Variants in ZDHHC14 observed in about 807,000 individuals in gnomAD.
ZDHHC14 encodes palmitoyltransferase ZDHHC14.
In ZDHHC14, 16 loss-of-function variants were observed where a neutral mutation model predicts 47.7. That is an observed-to-expected ratio of 0.34 (90% confidence interval 0.23 to 0.51). ZDHHC14 has a LOEUF of 0.51. ZDHHC14 is among the 20% of genes least tolerant of loss of function. The pLI is 0.97. For synonymous variants in ZDHHC14, 293 were observed against 278.9 expected (o/e 1.05, Z -0.50); for missense variants, 515 against 662.5 (o/e 0.78, Z 2.44).
chr6:157,565,858 C>T (rs1007492737), intron 2 of ZDHHC14, among the ~76,000 whole-genome samples: 1 of 151,714 alleles, frequency 6.6e-6, no homozygotes, highest in Non-Finnish European at 1.5e-5. Flanking sequence ...AATCCTAGAC[C>T]CAAAACAGAT....
intron 3 of ZDHHC14, among the ~76,000 whole-genome samples, chr6:157,615,110 T>A (rs1055214397): frequency 6.6e-6 from 1 of 152,094 alleles, no homozygotes; most frequent in Non-Finnish European, 1.5e-5. Context: ...AATTTTCATT[T>A]TGCCACGGGC....
chr6:157,634,156 C>T (rs1430649687), intron 5 of ZDHHC14, among the ~76,000 whole-genome samples: 1 of 151,942 alleles, frequency 6.6e-6, no homozygotes. Flanking sequence ...TTTTCCAGTA[C>T]CTCTGTGTTT....
intron 1 of ZDHHC14, among the ~76,000 whole-genome samples, chr6:157,529,918 A>T (rs149064471): frequency 2.0e-5 from 3 of 152,322 alleles, no homozygotes; most frequent in Non-Finnish European, 4.4e-5. Context: ...TGAACCTCTT[A>T]TAAGTCTTAT....
At chr6:157,613,132 A>G (rs1441805261) in intron 3 of ZDHHC14, among the ~76,000 whole-genome samples, 2 of 152,196 alleles carry the variant, frequency 1.3e-5, no homozygotes, top group African/African-American at 2.4e-5. Flanking sequence ...GACTGACGCA[A>G]CCTACACGTG....
Position 157,586,339 on chromosome 6 carries a change from A to G in ZDHHC14, c.407-6649A>G, listed in dbSNP as rs1335395922. ...AAGCTGGAACTGGCCCTCAAAGGAT[A>G]GGATTATCTGCGCAGACAGCAGGAG... On this transcript the variant is annotated intron_variant, in intron 2 of 8. Transcript: ENST00000359775. The surrounding 1 kb of genome is among the most constrained non-coding windows in gnomAD (Gnocchi z 4.6). Among the ~76,000 whole-genome samples the G allele has an allele frequency of 6.6e-6, 1 of 152,224 alleles. No homozygotes were observed. The highest frequency in any genetic ancestry group is 2.4e-5 in the African/African-American group (1 of 41,448).
At chr6:157,510,017 G>T (rs1780424201) in intron 1 of ZDHHC14, among the ~76,000 whole-genome samples, 1 of 152,192 alleles carries the variant, frequency 6.6e-6, no homozygotes, top group Admixed American at 6.5e-5. Flanking sequence ...GGCTAAGGCG[G>T]GTGGATCACC....
intron 1 of ZDHHC14, among the ~76,000 whole-genome samples, chr6:157,527,058 T>C (rs571408119): frequency 5.3e-5 from 8 of 152,288 alleles, no homozygotes; most frequent in African/African-American, 1.4e-4. Context: ...ATAATACTGT[T>C]GGGGTCCAGG....
At chr6:157,647,808 C>T (rs17165473) in intron 7 of ZDHHC14, among the ~76,000 whole-genome samples, 3,241 of 152,276 alleles carry the variant, frequency 0.021, 114 homozygotes, top group African/African-American at 0.074. Context: ...GCCACATGGG[C>T]CGCAGTCGTT....
intron 1 of ZDHHC14, 97 bp downstream of exon 1, chr6:157,382,363 C>T: frequency 1.4e-6 from 2 of 1,425,858 alleles, no homozygotes; most frequent in Non-Finnish European, 1.9e-6. Flanking sequence ...GAAGTCTTAT[C>T]TACTGTAAAT....
chr6:157,512,786 A>G (rs1780541235), intron 1 of ZDHHC14, among the ~76,000 whole-genome samples: 1 of 152,260 alleles, frequency 6.6e-6, no homozygotes, highest in African/African-American at 2.4e-5. Context: ...TCTAATCTGT[A>G]CACTCATCAG....
chr6:157,585,718 G>A lies in ZDHHC14; in HGVS notation c.407-7270G>A, dbSNP rs148733043. 1.5e-4 allele frequency among the ~76,000 whole-genome samples: 23 copies of A among 152,340 alleles called. No homozygotes were observed. The East Asian group carries it at 3.7e-3, about 24-fold the overall frequency. On this transcript the variant is annotated intron_variant, in intron 2 of 8. Transcript: ENST00000359775. ...TGCATTGTGTGGAAGAAAGAACAGC[G>A]GGGCTCCCTGAGGTACACAGCTGGC...
chr6:157,602,336 G>A (rs994036678), intron 3 of ZDHHC14, among the ~76,000 whole-genome samples: 10 of 151,400 alleles, frequency 6.6e-5, no homozygotes, highest in Admixed American at 3.3e-4. Flanking sequence ...GTGAAACCCC[G>A]TCTCTACTAA....
rs1183680484 is a variant in ZDHHC14, at chr6:157,674,938, A to G, written c.*1816A>G. On this transcript the variant is annotated 3_prime_UTR_variant, in exon 9 of 9. Transcript: ENST00000359775. ...ACCTAACTACTTGTACCCACCTGCA[A>G]TGTGTAATTCATGGGGCAGTGCCCT... 1 of 152,244 alleles carries G rather than the reference A, an allele frequency of 6.6e-6. No individual in the cohort carries two copies. 9.4% of individuals were successfully genotyped at this position (152,244 alleles called of 1,614,324 possible).
intron 1 of ZDHHC14, among the ~76,000 whole-genome samples, chr6:157,410,028 A>G (rs975883910): frequency 1.3e-5 from 2 of 151,932 alleles, no homozygotes; most frequent in Admixed American, 1.3e-4. Flanking sequence ...GACGGGTATC[A>G]CCATGTTGGC....
chr6:157,497,316 C>T (rs9355270), intron 1 of ZDHHC14, among the ~76,000 whole-genome samples: 87,768 of 151,928 alleles, frequency 0.58, 25,576 homozygotes, highest in Admixed American at 0.66. Context: ...GGAAATTCCA[C>T]AGTTATAGAT....
chr6:157,459,742 T>C (rs1033393458), intron 1 of ZDHHC14, among the ~76,000 whole-genome samples: 4 of 152,138 alleles, frequency 2.6e-5, no homozygotes, highest in African/African-American at 9.7e-5. Flanking sequence ...ACTTCATTCC[T>C]CTGGGTTGAT....
chr6:157,437,957 T>A (rs1255620452), intron 1 of ZDHHC14, among the ~76,000 whole-genome samples: 1 of 152,138 alleles, frequency 6.6e-6, no homozygotes, highest in Non-Finnish European at 1.5e-5. Context: ...ATTTACTTGG[T>A]TTTCTAAATA....
intron 6 of ZDHHC14, among the ~76,000 whole-genome samples, chr6:157,646,699 T>G (rs1022092951): frequency 6.6e-6 from 1 of 152,190 alleles, no homozygotes; most frequent in Non-Finnish European, 1.5e-5. Context: ...ACTTAGATTT[T>G]GATAGAAGTC....
chr6:157,392,720 T>A (rs1001270183), intron 1 of ZDHHC14, among the ~76,000 whole-genome samples: 1 of 152,048 alleles, frequency 6.6e-6, no homozygotes, highest in Non-Finnish European at 1.5e-5. Context: ...AGTTAGCTGA[T>A]CTTTAATTTA....
Sources: allele counts gnomAD v4.1 joint callset (sites outside exome capture counted in the v4.1 genomes callset), GRCh38; gene constraint gnomAD v4.1.1; non-coding constraint Gnocchi (gnomAD v3.1); transcripts MANE v1.5; gene names NCBI Gene and HGNC (gene_info 2026-07-23, HGNC 2026-07-21).